ABCA12: variants seen among roughly 807,000 people sequenced by gnomAD.
ABCA12 encodes the protein ATP binding cassette subfamily A member 12.
ABCA12 carries 156 observed loss-of-function variants against 293.5 expected under a neutral mutation model. The observed-to-expected ratio is 0.53, with a 90% CI of 0.47 to 0.61. The LOEUF is 0.61. ABCA12 is among the 20% of genes least tolerant of loss of function. ABCA12 has a pLI of 0.00. For missense variants in ABCA12, 2,797 were observed against 3,090.2 expected (o/e 0.91, Z 2.25); for synonymous variants, 1,063 against 1,108.0 (o/e 0.96, Z 0.81).
intron 1 of ABCA12, 73 bp from the exon 2 acceptor site, chr2:215,111,763 A>AG: frequency 3.8e-6 from 4 of 1,044,998 alleles, no homozygotes; most frequent in Non-Finnish European, 6.0e-6. Context: ...GACTACAAAA[A>AG]GTATGTCATA....
intron 1 of ABCA12, among the ~76,000 whole-genome samples, chr2:215,113,042 T>C (rs1702610146): frequency 6.6e-6 from 1 of 152,172 alleles, no homozygotes; most frequent in South Asian, 2.1e-4. Flanking sequence ...CTTGGAACTG[T>C]ATAGTTTTCT....
At position 215,000,942 on chromosome 2, in the gene ABCA12, A is replaced by G. The variant is rs768828324; in HGVS notation, c.2942T>C (p.Ile981Thr). 8 of 1,614,022 alleles carry G rather than the reference A, an allele frequency of 5.0e-6. No homozygotes were observed. Among genetic ancestry groups the G allele is most frequent in the Non-Finnish European group, 6.8e-6 (8 of 1,179,962 alleles). Residue 981 changes from isoleucine to threonine, a missense_variant, in exon 22 of 53, where the codon ATA becomes ACA. Transcript: ENST00000272895. ...DSGNVFLPPV[I>T]KYTIRMSLKT... is the part of the protein sequence containing the mutation. ...GAGACTCATCCGGATGGTATATTTT[A>G]TGACAGGAGGAAGAAAGACATTTCC...
At chr2:215,029,252 A>G (rs1262820896) in intron 9 of ABCA12, 2 of 152,192 alleles carry the variant, frequency 1.3e-5, no homozygotes, top group East Asian at 1.9e-4. Context: ...TTGAGTTAGT[A>G]TCTGTGGAAA....
At chr2:215,091,454 A>C (rs1559188984) in intron 2 of ABCA12, among the ~76,000 whole-genome samples, 1 of 152,166 alleles carries the variant, frequency 6.6e-6, no homozygotes. Context: ...GACCTCTCCC[A>C]AATCAGTTAG....
At chr2:215,036,787 C>T (rs527361109) in intron 8 of ABCA12, among the ~76,000 whole-genome samples, 166 bp downstream of exon 8, 7 of 152,152 alleles carry the variant, frequency 4.6e-5, no homozygotes, top group Non-Finnish European at 1.0e-4. Context: ...GCCATTTCTC[C>T]CTTTCTCCAC....
At chr2:215,032,362 A>G (rs922255332) in intron 8 of ABCA12, 14 of 193,092 alleles carry the variant, frequency 7.3e-5, no homozygotes, top group South Asian at 3.9e-4. Flanking sequence ...TATATTTTCT[A>G]TCTTTCAAAA....
intron 3 of ABCA12, among the ~76,000 whole-genome samples, chr2:215,058,670 C>G (rs1701469898): frequency 6.6e-6 from 1 of 152,000 alleles, no homozygotes; most frequent in Admixed American, 6.6e-5. Flanking sequence ...CATCAGCTTA[C>G]TAACTTCTAC....
At chr2:215,089,178 A>G (rs1432699768) in intron 2 of ABCA12, among the ~76,000 whole-genome samples, 1 of 151,440 alleles carries the variant, frequency 6.6e-6, no homozygotes, top group African/African-American at 2.4e-5. Context: ...AGTTTTAGCT[A>G]TGGCTCAAGT....
At chr2:215,070,237 C>T (rs901230305) in intron 2 of ABCA12, among the ~76,000 whole-genome samples, 2 of 152,134 alleles carry the variant, frequency 1.3e-5, no homozygotes, top group Non-Finnish European at 2.9e-5. Context: ...CCATAAATGT[C>T]AACCTCTGGA....
Position 215,012,066 on chromosome 2 carries a change from T to C in ABCA12, c.2026A>G (p.Ile676Val). The C allele has an allele frequency of 6.2e-7, 1 of 1,613,990 alleles. No individual in the cohort carries two copies. Among genetic ancestry groups the C allele is most frequent in the Non-Finnish European group, 8.5e-7 (1 of 1,179,906 alleles). ...GTGCCAGAAGCCATCTGATTGAGAA[T>C]CTCTTTTAGTCTTATGAAGAGCTCC... ...MMELFIRLKEILNQMASGTHP... is the reference protein window; with the variant it reads ...MMELFIRLKEVLNQMASGTHP... Residue 676 changes from isoleucine (I) to valine (V), a missense_variant, in exon 16 of 53, where the codon ATT becomes GTT. Ile to Val is a conservative substitution (Grantham distance 29, BLOSUM62 3). Transcript: ENST00000272895.
At chr2:215,080,341 T>C (rs142964761) in intron 2 of ABCA12, among the ~76,000 whole-genome samples, 455 of 151,944 alleles carry the variant, frequency 3.0e-3, no homozygotes, top group African/African-American at 0.01. Context: ...CTACCAAAAA[T>C]ACAAAAAATT....
chr2:214,964,791 G>A (rs965317636), intron 39 of ABCA12, among the ~76,000 whole-genome samples: 5 of 152,060 alleles, frequency 3.3e-5, no homozygotes, highest in African/African-American at 1.2e-4. Context: ...TCGCGAAAAT[G>A]GCCATACTGC....
chr2:214,971,180 G>A (rs1039126956), intron 36 of ABCA12, among the ~76,000 whole-genome samples: 6 of 152,062 alleles, frequency 3.9e-5, no homozygotes, highest in East Asian at 1.9e-4. Flanking sequence ...AGTCTAGCAC[G>A]TTTTTATAGT....
chr2:215,048,639 G>GT (rs1469422567), intron 6 of ABCA12, among the ~76,000 whole-genome samples: 1 of 152,138 alleles, frequency 6.6e-6, no homozygotes, highest in Non-Finnish European at 1.5e-5. Flanking sequence ...GGAGGCGGAG[G>GT]TTTCAGTGAG....
chr2:214,982,063 T>G, intron 30 of ABCA12, 124 bp downstream of exon 30: 2 of 941,874 alleles, frequency 2.1e-6, no homozygotes. Flanking sequence ...CCTCCTGTCT[T>G]GGCCTCCCAA....
chr2:215,106,881 T>C (rs1022282210), intron 2 of ABCA12, among the ~76,000 whole-genome samples: 1 of 152,202 alleles, frequency 6.6e-6, no homozygotes, highest in Non-Finnish European at 1.5e-5. Flanking sequence ...ATTCAATTCA[T>C]GGCTGGCTCC....
chr2:214,931,803 T>C lies in ABCA12; in HGVS notation c.*831A>G, dbSNP rs1025447413. The C allele has an allele frequency of 3.3e-5, 5 of 152,548 alleles. No individual in the cohort carries two copies. Among genetic ancestry groups the C allele is most frequent in the Non-Finnish European group, 5.9e-5 (4 of 68,024 alleles). 9.4% of individuals were successfully genotyped at this position (152,548 alleles called of 1,614,324 possible). A position where few individuals can be genotyped will look rare whatever the true frequency, so the allele number is the denominator to read the frequency against. The stretch of plus-strand genomic sequence containing the variant: ...GTTTCCTGAAAAGAAACCCCAAATA[T>C]GAGGGTTTCTGAAAGAGCTTTAAAA... On this transcript the variant is annotated 3_prime_UTR_variant, in exon 53 of 53. Transcript: ENST00000272895.
At position 215,012,114 on chromosome 2, in the gene ABCA12, G is replaced by C; in HGVS notation, c.1978C>G (p.Gln660Glu). 1 of 1,613,848 alleles carries C rather than the reference G, an allele frequency of 6.2e-7. No individual in the cohort carries two copies. Among genetic ancestry groups the C allele is most frequent in the Non-Finnish European group, 8.5e-7 (1 of 1,179,892 alleles). Reference protein sequence around the residue: ...TYKVFFPRKDQKPVEKMMELF... With the variant: ...TYKVFFPRKDEKPVEKMMELF... ...TCCATCATCTTTTCTACTGGCTTTT[G>C]ATCTTTCCTCGGGAAAAACACCTAA... Residue 660 changes from glutamine (Q) to glutamate (E), a missense_variant, in exon 16 of 53, where the codon CAA (glutamine) becomes GAA (glutamate). Physicochemically the swap from Gln to Glu is conservative, Grantham distance 29. This residue lies in a region of ABCA12 where 2,130 missense variants were observed against 2,427.0 expected (regional missense o/e 0.88). Transcript: ENST00000272895.
chr2:215,073,541 T>C (rs1247507293), intron 2 of ABCA12, among the ~76,000 whole-genome samples: 1 of 152,038 alleles, frequency 6.6e-6, no homozygotes, highest in Non-Finnish European at 1.5e-5. Flanking sequence ...AAAGAGCCAC[T>C]ATGCTGAGCC....
Sources: gnomAD v4.1 joint callset for allele counts (sites outside exome capture counted in the v4.1 genomes callset) on GRCh38, gnomAD v4.1.1 for gene constraint, gnomAD v4.1.1 regional missense constraint, MANE v1.5 for transcripts, NCBI Gene and HGNC (gene_info 2026-07-23, HGNC 2026-07-21) for gene names.